ME3: variants seen among roughly 807,000 people sequenced by gnomAD.
ME3 encodes NADP-dependent malic enzyme, mitochondrial.
ME3 carries 48 observed loss-of-function variants against 68.9 expected under a neutral mutation model. That is an observed-to-expected ratio of 0.70 (90% CI 0.55 to 0.89). The LOEUF (loss-of-function observed/expected upper bound fraction) is 0.89. Ranked by LOEUF, ME3 falls within the 40% of genes least tolerant of loss-of-function variation. ME3 has a pLI of 0.00. For missense variants in ME3, 675 were observed against 797.4 expected (o/e 0.85, Z 1.85); for synonymous variants, 320 against 318.8 (o/e 1.00, Z -0.04).
chr11:86,557,510 G>A (rs1956993266), intron 3 of ME3, among the ~76,000 whole-genome samples: 1 of 152,168 alleles, frequency 6.6e-6, no homozygotes, highest in South Asian at 2.1e-4. Flanking sequence ...AAAAGTCTGT[G>A]GTCTGGTGAA....
intron 5 of ME3, among the ~76,000 whole-genome samples, chr11:86,503,273 G>C (rs1767401050): frequency 6.6e-6 from 1 of 152,324 alleles, no homozygotes; most frequent in East Asian, 1.9e-4. Context: ...AGGTGGATAC[G>C]ATGATGTGCT....
At chr11:86,526,450 A>G (rs1313022175) in intron 4 of ME3, among the ~76,000 whole-genome samples, 2 of 152,200 alleles carry the variant, frequency 1.3e-5, no homozygotes, top group African/African-American at 2.4e-5. Flanking sequence ...GGGCAGGGCA[A>G]TGCCAAACAA....
intron 4 of ME3, among the ~76,000 whole-genome samples, chr11:86,511,942 G>A (rs751931483): frequency 1.4e-4 from 21 of 151,508 alleles, no homozygotes; most frequent in South Asian, 2.1e-4. Context: ...GACTCAGTGC[G>A]CAAGAACCAT....
At chr11:86,519,837 C>G (rs1954143420) in intron 4 of ME3, among the ~76,000 whole-genome samples, 1 of 152,236 alleles carries the variant, frequency 6.6e-6, no homozygotes, top group African/African-American at 2.4e-5. Flanking sequence ...TGGAGAGACT[C>G]AAGTGAGGTA....
At chr11:86,509,561 C>G (rs1169408834) in intron 4 of ME3, among the ~76,000 whole-genome samples, 1 of 152,148 alleles carries the variant, frequency 6.6e-6, no homozygotes, top group African/African-American at 2.4e-5. Flanking sequence ...GTCCAATCTG[C>G]AGGCAACTTG....
chr11:86,531,859 G>A (rs1057459751), intron 4 of ME3, among the ~76,000 whole-genome samples: 17 of 151,488 alleles, frequency 1.1e-4, no homozygotes, highest in Admixed American at 1.1e-3. Context: ...ATAGCACTGG[G>A]AGATATACCT....
chr11:86,561,261 A>G (rs1396470055), intron 2 of ME3, among the ~76,000 whole-genome samples: 1 of 152,050 alleles, frequency 6.6e-6, no homozygotes, highest in Non-Finnish European at 1.5e-5. Context: ...GCACTACAAG[A>G]TGCTCCAGGT....
chr11:86,607,285 C>T (rs1034871049), intron 2 of ME3, among the ~76,000 whole-genome samples: 3 of 152,126 alleles, frequency 2.0e-5, no homozygotes, highest in South Asian at 2.1e-4. Flanking sequence ...ATATTTCAGA[C>T]ATACTGGCGG....
chr11:86,544,319 G>A (rs915992540), intron 4 of ME3, among the ~76,000 whole-genome samples: 1 of 152,102 alleles, frequency 6.6e-6, no homozygotes, highest in Non-Finnish European at 1.5e-5. Flanking sequence ...CAGAACTGAA[G>A]GAGATAGAGA....
At chr11:86,609,571 G>A (rs938685489) in intron 2 of ME3, among the ~76,000 whole-genome samples, 2 of 152,100 alleles carry the variant, frequency 1.3e-5, no homozygotes, top group African/African-American at 4.8e-5. Context: ...GTGCATATAT[G>A]TATGCATGCA....
chr11:86,605,614 T>C (rs1454568847), intron 2 of ME3, among the ~76,000 whole-genome samples: 1 of 152,224 alleles, frequency 6.6e-6, no homozygotes, highest in Non-Finnish European at 1.5e-5. Context: ...CAAGTATTTT[T>C]TGTTGAATTA....
intron 6 of ME3, among the ~76,000 whole-genome samples, chr11:86,491,049 A>G (rs957612618): frequency 2.0e-5 from 3 of 152,196 alleles, no homozygotes; most frequent in African/African-American, 7.2e-5. Flanking sequence ...AAAATGTTCT[A>G]TGTCTCAGAT....
chr11:86,544,028 A>T lies in ME3; in HGVS notation c.467+12525T>A, dbSNP rs972945038. On this transcript the variant is annotated intron_variant, in intron 4 of 14. Coordinates refer to ENST00000543262, the Ensembl canonical transcript of ME3. Reference sequence around the variant, plus strand: ...ACTCAAAACTGCACAACTACATGTAAACTGAACAAACTACTCCTGAATGAC... The same window carrying T: ...ACTCAAAACTGCACAACTACATGTATACTGAACAAACTACTCCTGAATGAC... Among the ~76,000 whole-genome samples, 8 of 149,578 alleles carry T rather than the reference A, an allele frequency of 5.3e-5. 1 individual carries two copies. Among genetic ancestry groups the T allele is most frequent in the African/African-American group, 2.0e-4 (8 of 40,274 alleles).
chr11:86,487,217 A>C (rs1228974715), intron 7 of ME3, 120 bp downstream of exon 7: 2 of 785,486 alleles, frequency 2.5e-6, no homozygotes, highest in Non-Finnish European at 4.2e-6. Context: ...AATTTTCAGA[A>C]TACCTGGAAA....
chr11:86,488,655 G>A (rs527993033), intron 6 of ME3, among the ~76,000 whole-genome samples: 7 of 152,226 alleles, frequency 4.6e-5, no homozygotes, highest in South Asian at 2.1e-4. Context: ...AACTTTCCAC[G>A]TCTTCCATTC....
At chr11:86,541,041 G>C (rs1314263167) in intron 4 of ME3, among the ~76,000 whole-genome samples, 1 of 152,152 alleles carries the variant, frequency 6.6e-6, no homozygotes, top group Admixed American at 6.6e-5. Flanking sequence ...AAGGGGTCAG[G>C]GAACTCCCTC....
chr11:86,506,997 C>A (rs1438815349), intron 5 of ME3, among the ~76,000 whole-genome samples: 2 of 152,180 alleles, frequency 1.3e-5, no homozygotes, highest in African/African-American at 2.4e-5. Context: ...AAGCACAAGG[C>A]AAAATGATAC....
chr11:86,510,589 A>T (rs1038057133), intron 4 of ME3, among the ~76,000 whole-genome samples: 2 of 152,140 alleles, frequency 1.3e-5, no homozygotes, highest in African/African-American at 4.8e-5. Context: ...TTTGGGTTGG[A>T]TAATTCTTTG....
chr11:86,580,695 A>G (rs1321581011), intron 2 of ME3, among the ~76,000 whole-genome samples: 1 of 152,204 alleles, frequency 6.6e-6, no homozygotes, highest in Non-Finnish European at 1.5e-5. Context: ...TATACAGTTA[A>G]TAAGTAGCAG....
Sources: gnomAD v4.1 joint callset for allele counts (sites outside exome capture counted in the v4.1 genomes callset) on GRCh38, gnomAD v4.1.1 for gene constraint, MANE v1.5 for transcripts, NCBI Gene and HGNC (gene_info 2026-07-23, HGNC 2026-07-21) for gene names.